The following PDE4B variants were observed in gnomAD, a reference collection of about 807,000 sequenced individuals.
PDE4B encodes phosphodiesterase 4B.
Under a neutral mutation model 82.2 loss-of-function variants are expected in PDE4B, and 20 were observed. The observed-to-expected ratio is 0.24, with a 90% CI of 0.17 to 0.35. The LOEUF (loss-of-function observed/expected upper bound fraction) is 0.35. Among genes scored for constraint, PDE4B ranks in the 10% least tolerant of loss-of-function variants. The pLI is 1.00. For synonymous variants in PDE4B, 320 were observed against 318.9 expected (o/e 1.00, Z -0.04); for missense variants, 655 against 907.2 (o/e 0.72, Z 3.57).
chr1:65,935,860 C>T (rs1480496256), intron 3 of PDE4B, among the ~76,000 whole-genome samples: 2 of 152,036 alleles, frequency 1.3e-5, no homozygotes, highest in Non-Finnish European at 2.9e-5. Context: ...TCACTTGAAC[C>T]TGGGAGGCGG....
intron 3 of PDE4B, among the ~76,000 whole-genome samples, chr1:66,033,190 G>A (rs1653885028): frequency 6.6e-6 from 1 of 152,002 alleles, no homozygotes; most frequent in African/African-American, 2.4e-5. Flanking sequence ...TGTGGTTTTG[G>A]GGTTTTTTAG....
chr1:66,285,039 G>C (rs959878228), intron 7 of PDE4B, among the ~76,000 whole-genome samples: 2 of 152,116 alleles, frequency 1.3e-5, no homozygotes, highest in Non-Finnish European at 2.9e-5. Context: ...TCATTTCTGA[G>C]CTTTAGCCTC....
chr1:65,919,193 A>G (rs1647196255), intron 3 of PDE4B, among the ~76,000 whole-genome samples: 2 of 152,218 alleles, frequency 1.3e-5, no homozygotes. Flanking sequence ...ATGTTACTAT[A>G]TGTATATGAT....
chr1:66,086,674 A>G (rs1657023385), intron 3 of PDE4B, among the ~76,000 whole-genome samples: 3 of 152,240 alleles, frequency 2.0e-5, no homozygotes, highest in East Asian at 1.9e-4. Flanking sequence ...CCTTAACCCA[A>G]TGTTGATTTT....
intron 3 of PDE4B, among the ~76,000 whole-genome samples, chr1:66,072,998 G>T (rs1656233259): frequency 7.1e-6 from 1 of 140,102 alleles, no homozygotes; most frequent in South Asian, 2.4e-4. Flanking sequence ...AACACAAGTT[G>T]TATTCAGCCT....
chr1:66,146,237 G>T (rs943628231), intron 3 of PDE4B, among the ~76,000 whole-genome samples: 2 of 126,662 alleles, frequency 1.6e-5, no homozygotes, highest in African/African-American at 6.1e-5. Flanking sequence ...AAACTGGAGT[G>T]CAGTGGCGCA....
rs927521938 is a variant in PDE4B at position 66,360,896 on chromosome 1, A to G, written c.842-719A>G. On this transcript the variant is annotated intron_variant, in intron 9 of 16. Coordinates refer to ENST00000341517, the MANE Select transcript of PDE4B (RefSeq NM_002600.4). ...ATATTTAATAACCTTAAACATGTTA[A>G]TAAGTGTAATGCTTATTACAAACAA... The G allele has an allele frequency of 2.0e-5, 3 of 152,208 alleles. No homozygotes were observed. In the South Asian group the frequency reaches 6.2e-4, roughly 31 times the overall value. The allele number at this position is 152,208 out of a possible 1,614,324, so 9.4% of individuals were successfully genotyped here.
At chr1:66,280,968 A>G (rs1399834409) in intron 7 of PDE4B, among the ~76,000 whole-genome samples, 1 of 152,180 alleles carries the variant, frequency 6.6e-6, no homozygotes, top group African/African-American at 2.4e-5. Flanking sequence ...GGGTGTACAT[A>G]GCTTTAACTC....
At chr1:66,169,028 C>T (rs990054100) in intron 3 of PDE4B, among the ~76,000 whole-genome samples, 11 of 152,236 alleles carry the variant, frequency 7.2e-5, no homozygotes, top group African/African-American at 2.4e-4. Flanking sequence ...ATAAATGACA[C>T]TGTGCCCTGA....
At chr1:66,224,753 C>G (rs1204079168) in intron 3 of PDE4B, among the ~76,000 whole-genome samples, 1 of 152,148 alleles carries the variant, frequency 6.6e-6, no homozygotes, top group African/African-American at 2.4e-5. Context: ...AAGCAAACAA[C>G]TCGAGCTCAT....
At chr1:66,278,503 C>T (rs145296451) in intron 7 of PDE4B, among the ~76,000 whole-genome samples, 4 of 152,338 alleles carry the variant, frequency 2.6e-5, no homozygotes, top group South Asian at 4.1e-4. Context: ...GCTAAACCTC[C>T]GGAGTTCTCC....
At chr1:66,203,762 A>C (rs973457126) in intron 3 of PDE4B, among the ~76,000 whole-genome samples, 4 of 151,936 alleles carry the variant, frequency 2.6e-5, no homozygotes, top group Non-Finnish European at 4.4e-5. Context: ...ATTTTTTTTC[A>C]AAGTTTTTAA....
intron 7 of PDE4B, among the ~76,000 whole-genome samples, chr1:66,313,146 T>G (rs888191397): frequency 2.0e-5 from 3 of 152,206 alleles, no homozygotes; most frequent in Non-Finnish European, 2.9e-5. Context: ...ACTTTTTCCC[T>G]CTGCTTAAAA....
At chr1:66,148,538 A>G (rs1177853231) in intron 3 of PDE4B, among the ~76,000 whole-genome samples, 1 of 152,128 alleles carries the variant, frequency 6.6e-6, no homozygotes, top group African/African-American at 2.4e-5. Flanking sequence ...AATGTTTACA[A>G]TTTAATTATT....
chr1:66,349,274 T>C (rs1211293024), intron 8 of PDE4B, among the ~76,000 whole-genome samples: 2 of 152,226 alleles, frequency 1.3e-5, no homozygotes, highest in Non-Finnish European at 2.9e-5. Flanking sequence ...GAATTGATTC[T>C]ATTGTTGCTT....
At chr1:66,020,484 G>A in intron 3 of PDE4B, among the ~76,000 whole-genome samples, 1 of 150,142 alleles carries the variant, frequency 6.7e-6, no homozygotes, top group East Asian at 2.0e-4. Flanking sequence ...CCCATGGACA[G>A]GCCCTGGTGT....
chr1:65,836,548 G>A (rs1646142136), intron 1 of PDE4B, among the ~76,000 whole-genome samples: 1 of 152,140 alleles, frequency 6.6e-6, no homozygotes, highest in African/African-American at 2.4e-5. Context: ...AAACACCGGG[G>A]CATCCTATTG....
intron 3 of PDE4B, chr1:65,992,554 CA>C (rs1328446602): frequency 3.0e-4 from 58 of 191,918 alleles, no homozygotes; most frequent in African/African-American, 1.3e-3. Context: ...AAGGATTTAT[CA>C]AAAGCCTTTA....
intron 3 of PDE4B, chr1:66,112,800 C>G (rs1645515977): frequency 6.6e-6 from 1 of 152,190 alleles, no homozygotes; most frequent in South Asian, 2.1e-4. Flanking sequence ...CATCCATCAG[C>G]AAATCATCAT....
Sources: gnomAD v4.1 joint callset for allele counts (sites outside exome capture counted in the v4.1 genomes callset) on GRCh38, gnomAD v4.1.1 for gene constraint, MANE v1.5 for transcripts, NCBI Gene and HGNC (gene_info 2026-07-23, HGNC 2026-07-21) for gene names.